RIMS1: variants seen among roughly 807,000 people sequenced by gnomAD.
The protein encoded by RIMS1 is regulating synaptic membrane exocytosis protein 1.
Under a neutral mutation model 214.1 loss-of-function variants are expected in RIMS1, and 83 were observed. That is an observed-to-expected ratio of 0.39 (90% CI 0.32 to 0.47). The LOEUF is 0.47. RIMS1 is among the 20% of genes least tolerant of loss of function. The pLI is 0.99. For synonymous variants in RIMS1, 793 were observed against 786.8 expected (o/e 1.01, Z -0.13); for missense variants, 2,050 against 2,161.8 (o/e 0.95, Z 1.03).
At chr6:72,347,149 C>T (rs2097293248) in intron 29 of RIMS1, among the ~76,000 whole-genome samples, 1 of 151,638 alleles carries the variant, frequency 6.6e-6, no homozygotes, top group African/African-American at 2.4e-5. Flanking sequence ...AGACTTATGC[C>T]CCCATAGATA....
intron 26 of RIMS1, among the ~76,000 whole-genome samples, chr6:72,306,234 T>TAC (rs377303541): frequency 7.9e-5 from 12 of 151,756 alleles, no homozygotes; most frequent in East Asian, 1.9e-4. Flanking sequence ...CAATTTTCCA[T>TAC]ACACACACAC....
At chr6:72,269,732 C>T (rs985103243) in intron 22 of RIMS1, among the ~76,000 whole-genome samples, 1 of 152,078 alleles carries the variant, frequency 6.6e-6, no homozygotes, top group Non-Finnish European at 1.5e-5. Flanking sequence ...AATAGATAGC[C>T]CTTCTCCAGT....
At position 72,290,826 on chromosome 6, in the gene RIMS1, T is replaced by C. The variant is rs2093272399; in HGVS notation, c.3702T>C (p.Pro1234=). 1.9e-6 allele frequency: 3 copies of C among 1,613,258 alleles called. No individual in the cohort carries two copies. The highest frequency in any genetic ancestry group is 2.5e-6 in the Non-Finnish European group (3 of 1,179,726). The change falls in exon 25 of 34, where the codon CCT becomes CCC. Residue 1234 remains proline, a synonymous_variant. Coordinates refer to ENST00000521978, the MANE Select transcript of RIMS1 (RefSeq NM_014989.7). ...RTLCSMHHLV[P]GGSAPPSPLL... ...TGTGTTCTATGCACCACCTTGTCCC[T>C]GGAGGGTCGGCGCCACCTTCTCCGC...
intron 2 of RIMS1, among the ~76,000 whole-genome samples, chr6:72,035,541 C>G (rs191941259): frequency 6.6e-6 from 1 of 152,218 alleles, no homozygotes; most frequent in African/African-American, 2.4e-5. Context: ...GTCTGAGATT[C>G]AGCCCCCATT....
chr6:72,303,630 A>G (rs984295438), intron 26 of RIMS1, among the ~76,000 whole-genome samples: 19 of 151,488 alleles, frequency 1.3e-4, no homozygotes, highest in African/African-American at 4.6e-4. Context: ...TTCCAGTTTT[A>G]TACTTTCTTA....
intron 2 of RIMS1, among the ~76,000 whole-genome samples, chr6:72,002,507 A>C (rs539063680): frequency 9.9e-5 from 15 of 152,190 alleles, no homozygotes; most frequent in African/African-American, 3.6e-4. Flanking sequence ...CCAAAGATGC[A>C]TGGGGTAGGA....
At chr6:72,278,338 T>C (rs1390726091) in intron 23 of RIMS1, among the ~76,000 whole-genome samples, 2 of 152,142 alleles carry the variant, frequency 1.3e-5, no homozygotes, top group Non-Finnish European at 1.5e-5. Flanking sequence ...GTTGTTCTGC[T>C]AAAGTGGCTC....
chr6:72,261,970 C>A (rs2078236589), intron 19 of RIMS1: 1 of 984,286 alleles, frequency 1.0e-6, no homozygotes, highest in Admixed American at 6.2e-5. Flanking sequence ...CAAACAGTTT[C>A]TTAAAATAAT....
At chr6:72,310,184 C>T (rs2095438762) in intron 27 of RIMS1, among the ~76,000 whole-genome samples, 1 of 152,044 alleles carries the variant, frequency 6.6e-6, no homozygotes, top group Non-Finnish European at 1.5e-5. Flanking sequence ...TAACTATTCT[C>T]AAATACTTTT....
chr6:71,949,683 G>A (rs1344371090), intron 1 of RIMS1, among the ~76,000 whole-genome samples: 1 of 152,128 alleles, frequency 6.6e-6, no homozygotes, highest in Non-Finnish European at 1.5e-5. Context: ...TCATCATGTG[G>A]TATTACATAC....
chr6:72,234,017 T>C (rs1007871319), intron 7 of RIMS1, among the ~76,000 whole-genome samples, 177 bp downstream of exon 7: 3 of 152,006 alleles, frequency 2.0e-5, no homozygotes, highest in Non-Finnish European at 4.4e-5. Flanking sequence ...ATAACAAATT[T>C]TAAATTAAGT....
rs1261900827 is a variant in RIMS1 at position 72,182,454 on chromosome 6, C to G, written c.983C>G (p.Pro328Arg). ...RLEKGRSQDY[P>R]DTPEKRDEGK... is the part of the protein sequence containing the mutation. ...GAGAAAGGGCGATCACAGGATTACC[C>G]AGACACGCCGGAAAAACGGGATGAG... Residue 328 changes from proline to arginine, a missense_variant, in exon 6 of 34, where the codon CCA becomes CGA. Pro to Arg is a moderately radical substitution (Grantham distance 103). This residue lies in a region of RIMS1 where 882 missense variants were observed against 828.9 expected (regional missense o/e 1.06). Transcript: ENST00000521978. The G allele has an allele frequency of 6.2e-7, 1 of 1,613,746 alleles. No individual in the cohort carries two copies. The highest frequency in any genetic ancestry group is 8.5e-7 in the Non-Finnish European group (1 of 1,179,774).
At chr6:72,095,319 A>C (rs2031182781) in intron 2 of RIMS1, among the ~76,000 whole-genome samples, 2 of 152,200 alleles carry the variant, frequency 1.3e-5, no homozygotes, top group South Asian at 4.1e-4. Context: ...GCCATTTTGC[A>C]TGATAACTTT....
At chr6:72,368,292 ATTTTTTTTT>A (rs1168375463) in intron 29 of RIMS1, among the ~76,000 whole-genome samples, 2 of 79,112 alleles carry the variant, frequency 2.5e-5, no homozygotes, top group African/African-American at 1.1e-4. Flanking sequence ...GTGTTGTCTG[ATTTTTTTTT>A]TTTTTTTTTT....
intron 1 of RIMS1, among the ~76,000 whole-genome samples, chr6:71,919,352 C>T (rs1306977730): frequency 2.0e-5 from 3 of 151,602 alleles, no homozygotes; most frequent in Non-Finnish European, 4.4e-5. Flanking sequence ...AAATTTTGAC[C>T]GTGGCTAACC....
chr6:71,943,769 C>A lies in RIMS1; in HGVS notation c.165-25214C>A, dbSNP rs1326826307. Among the ~76,000 whole-genome samples, 4 of 152,260 alleles carry A rather than the reference C, an allele frequency of 2.6e-5. No homozygotes were observed. The East Asian group carries it at 7.7e-4, about 29-fold the overall frequency. ...TTATTTTGCTTCCAAATCATTTCAGCGTATCAGCTTTCCGATGGCGTATTC... is the reference window on the plus strand; with the variant it reads ...TTATTTTGCTTCCAAATCATTTCAGAGTATCAGCTTTCCGATGGCGTATTC... On this transcript the variant is annotated intron_variant, in intron 1 of 33. Coordinates refer to ENST00000521978, the MANE Select transcript of RIMS1 (RefSeq NM_014989.7).
chr6:72,089,661 A>G (rs968680103), intron 2 of RIMS1, among the ~76,000 whole-genome samples: 1 of 151,624 alleles, frequency 6.6e-6, no homozygotes, highest in Non-Finnish European at 1.5e-5. Flanking sequence ...CAGCCATCCC[A>G]TTACTGGGTA....
At chr6:72,296,993 T>G (rs980905552) in intron 26 of RIMS1, among the ~76,000 whole-genome samples, 9 of 151,942 alleles carry the variant, frequency 5.9e-5, no homozygotes, top group African/African-American at 2.2e-4. Flanking sequence ...CCTTAGCATA[T>G]TTAGTTATGC....
chr6:72,008,559 G>A (rs1307801346), intron 2 of RIMS1, among the ~76,000 whole-genome samples: 1 of 152,172 alleles, frequency 6.6e-6, no homozygotes, highest in East Asian at 1.9e-4. Context: ...ACCCATCAGT[G>A]TGCTCTATTC....
Sources: allele counts gnomAD v4.1 joint callset (sites outside exome capture counted in the v4.1 genomes callset), GRCh38; gene constraint gnomAD v4.1.1; regional missense constraint gnomAD v4.1.1; transcripts MANE v1.5; gene names NCBI Gene and HGNC (gene_info 2026-07-23, HGNC 2026-07-21).